Variants in TAF6 observed in about 807,000 individuals in gnomAD.
TAF6 encodes the protein transcription initiation factor TFIID subunit 6.
Under a neutral mutation model 73.5 loss-of-function variants are expected in TAF6, and 50 were observed. That is an observed-to-expected ratio of 0.68 (90% confidence interval 0.54 to 0.86). The LOEUF is 0.86. Among genes scored for constraint, TAF6 ranks in the 40% least tolerant of loss-of-function variants. The probability of loss-of-function intolerance (pLI) is 0.00; values close to 1 mark genes in which losing one functional copy is unlikely to be tolerated. For missense variants in TAF6, 768 were observed against 899.5 expected, an observed-to-expected ratio of 0.85 and a Z score of 1.87; for synonymous variants, 424 against 376.7, an observed-to-expected ratio of 1.13 and a Z score of -1.45.
chr7:100,124,495 G>A (rs1798160796), upstream of TAF6: 1 of 1,570,590 alleles, frequency 6.4e-7, no homozygotes, highest in Non-Finnish European at 8.8e-7. Context: ...ATACTCTTCT[G>A]GCCCTTCTAC....
chr7:100,113,570 TC>T (rs1282413793), intron 4 of TAF6, 45 bp downstream of exon 4: 4 of 1,605,050 alleles, frequency 2.5e-6, no homozygotes, highest in Non-Finnish European at 2.6e-6. Flanking sequence ...CACACATCTG[TC>T]CTCCTTTCCC....
chr7:100,119,116 G>A, intron 1 of TAF6, 88 bp downstream of exon 1: 1 of 986,438 alleles, frequency 1.0e-6, no homozygotes, highest in Non-Finnish European at 1.2e-6. Context: ...CGCGAAAGGA[G>A]GTTCAGAGAG....
At chr7:100,107,727 G>A (rs1796689140) in intron 14 of TAF6, 104 bp from the exon 15 acceptor site, 4 of 1,500,694 alleles carry the variant, frequency 2.7e-6, no homozygotes, top group Middle Eastern at 4.8e-4. Flanking sequence ...AGTTGTTCCT[G>A]TAGTTCACCC....
intron 1 of TAF6, among the ~76,000 whole-genome samples, chr7:100,116,919 G>C (rs967725570): frequency 3.3e-5 from 5 of 152,114 alleles, no homozygotes; most frequent in Non-Finnish European, 5.9e-5. Context: ...TGCCCTCAGA[G>C]TGGGGGCAGC....
upstream of TAF6, chr7:100,124,779 CAGAA>C (rs1562940168): frequency 1.2e-6 from 2 of 1,613,394 alleles, no homozygotes; most frequent in Non-Finnish European, 1.7e-6. Flanking sequence ...GAAGAGAAAA[CAGAA>C]GGGGAGGAAG....
chr7:100,114,102 G>A lies in TAF6; in HGVS notation c.108C>T (p.Cys36=). ...MGIAQIQEET[C]QLLTDEVSYR... is the part of the protein sequence containing the mutation. ...AGCTGACCTCATCCGTTAGCAGCTG[G>A]CAGGTCTCCTCCTGAATCTGGGCGA... The change falls in exon 2 of 15, where the codon TGC becomes TGT. Residue 36 remains cysteine, a synonymous_variant. Coordinates refer to ENST00000453269, the MANE Select transcript of TAF6 (RefSeq NM_139315.3). 6.2e-7 allele frequency: 1 copy of A among 1,614,218 alleles called. No homozygotes were observed. The highest frequency in any genetic ancestry group is 8.5e-7 in the Non-Finnish European group (1 of 1,180,048).
chr7:100,108,010 T>G lies in TAF6; in HGVS notation c.1572A>C (p.Arg524=), dbSNP rs1215476742. 2 of 1,613,954 alleles carry G rather than the reference T, an allele frequency of 1.2e-6. No individual in the cohort carries two copies. The highest frequency in any genetic ancestry group is 4.5e-5 in the East Asian group (2 of 44,862). ...GGGAAGGCTGTGGTGGGGCAGCCGC[T>G]CGTGCAGACACCAGTGTCTGGACAG... ...ALPVQTLVSA[R]AAAPPQPSPP... is the part of the protein sequence containing the mutation. Residue 524 remains arginine (R), a synonymous_variant, in exon 14 of 15, where the codon CGA becomes CGC. Transcript: ENST00000453269.
intron 11 of TAF6, 51 bp downstream of exon 11, chr7:100,110,149 T>C (rs547084482): frequency 6.2e-7 from 1 of 1,614,076 alleles, no homozygotes; most frequent in South Asian, 1.1e-5. Context: ...GTGCCCTCTA[T>C]AACCTCATGA....
In TAF6 at chr7:100,110,085, GA is replaced by G; in HGVS notation, c.1159-13del. 6.2e-7 allele frequency: 1 copy of G among 1,614,068 alleles called. No homozygotes were observed. On this transcript the variant is annotated splice_polypyrimidine_tract_variant and intron_variant, in intron 11 of 14. Coordinates refer to ENST00000453269, the MANE Select transcript of TAF6 (RefSeq NM_139315.3). Reference sequence around the variant, plus strand: ...AGAGTCTTGATAACCTGTTAGAAGGGAAAAGGACAAGCAAAAGCCGGAGGGT... The same window carrying G: ...AGAGTCTTGATAACCTGTTAGAAGGGAAAGGACAAGCAAAAGCCGGAGGGT...
At chr7:100,124,863 C>A in the TAF6 span, 1 of 1,601,278 alleles carries the variant, frequency 6.2e-7, no homozygotes, top group Non-Finnish European at 8.5e-7. Flanking sequence ...GGAAGCCACC[C>A]CAAACTTGAC....
upstream of TAF6, chr7:100,121,116 A>ATATATATAT (rs1584585316): frequency 1.1e-4 from 6 of 52,776 alleles, no homozygotes; most frequent in African/African-American, 1.9e-4. Context: ...ATATATATAT[A>ATATATATAT]TTTTTTTTTT....
chr7:100,124,361 T>C, upstream of TAF6: 1 of 612,774 alleles, frequency 1.6e-6, no homozygotes, highest in Admixed American at 2.7e-5. Flanking sequence ...TAAATGTTTG[T>C]TGAATGAATG....
chr7:100,116,610 A>T (rs1290600810), intron 1 of TAF6: 1 of 152,238 alleles, frequency 6.6e-6, no homozygotes, highest in South Asian at 2.1e-4. Context: ...ATTGCACTCC[A>T]GCCTGGGCAA....
chr7:100,120,365 GGA>G (rs1797999003), upstream of TAF6: 1 of 152,734 alleles, frequency 6.5e-6, no homozygotes. Context: ...CACACAACTA[GGA>G]GAGTGTCCCC....
intron 13 of TAF6, 59 bp downstream of exon 13, chr7:100,108,308 T>C: frequency 1.7e-5 from 26 of 1,540,022 alleles, no homozygotes; most frequent in Non-Finnish European, 2.3e-5. Flanking sequence ...CAAGTGCCTG[T>C]CCCACACAGG....
Position 100,113,917 on chromosome 7 carries a change from T to C in TAF6, c.194A>G (p.Lys65Arg), listed in dbSNP as rs1431852779. 3.1e-6 allele frequency: 5 copies of C among 1,613,954 alleles called. No individual in the cohort carries two copies. The highest frequency in any genetic ancestry group is 1.7e-5 in the Admixed American group (1 of 59,978). ...GTAGTCAATGTCACTGGTGGTGAGC[T>C]TCTGCCGCTTCCCCATGTGCATGAA... ...LKFMHMGKRQKLTTSDIDYAL... is the reference protein window; with the variant it reads ...LKFMHMGKRQRLTTSDIDYAL... Residue 65 changes from lysine (K) to arginine (R), a missense_variant, in exon 3 of 15, where the codon AAG becomes AGG. Around this residue, in one of 5 missense-constraint regions of TAF6, gnomAD observed 269 missense variants for 268.0 expected, o/e 1.00. Transcript: ENST00000453269.
At chr7:100,112,607 C>T (rs1797292493) in intron 6 of TAF6, among the ~76,000 whole-genome samples, 191 bp downstream of exon 6, 1 of 152,096 alleles carries the variant, frequency 6.6e-6, no homozygotes, top group Non-Finnish European at 1.5e-5. Context: ...CCCAGCTACT[C>T]AGGAGGCTGA....
At chr7:100,126,172 C>T in the TAF6 span, among the ~76,000 whole-genome samples, 1 of 151,706 alleles carries the variant, frequency 6.6e-6, no homozygotes, top group African/African-American at 2.4e-5. Flanking sequence ...GGTGATAGAG[C>T]GAGACTCCGT....
chr7:100,110,736 A>G (rs1181491850), intron 10 of TAF6, among the ~76,000 whole-genome samples: 1 of 152,212 alleles, frequency 6.6e-6, no homozygotes, highest in Non-Finnish European at 1.5e-5. Context: ...ATTGGAACCC[A>G]GGAGGCGGAG....
Sources: allele counts gnomAD v4.1 joint callset (sites outside exome capture counted in the v4.1 genomes callset), GRCh38; gene constraint gnomAD v4.1.1; regional missense constraint gnomAD v4.1.1; transcripts MANE v1.5; gene names NCBI Gene and HGNC (gene_info 2026-07-23, HGNC 2026-07-21).